The following BCLAF3 variants were observed in gnomAD, a reference collection of about 807,000 sequenced individuals.
The protein encoded by BCLAF3 is transient octamer binding factor 1.
In BCLAF3, 24 loss-of-function variants were observed where a neutral mutation model predicts 51.2. The ratio of observed to expected loss-of-function variants is 0.47; its 90% CI spans 0.34 to 0.66. BCLAF3 has a LOEUF of 0.66. Ranked by LOEUF, BCLAF3 falls within the 30% of genes least tolerant of loss-of-function variation. The pLI, the probability that BCLAF3 is intolerant of heterozygous loss-of-function variation, is 0.01. For synonymous variants in BCLAF3, 152 were observed against 176.6 expected, an observed-to-expected ratio of 0.86 and a Z score of 1.10; for missense variants, 465 against 525.1, an observed-to-expected ratio of 0.89 and a Z score of 1.12.
chrX:19,970,424 G>A (rs113566974), intron 1 of BCLAF3, 126 bp from the exon 2 acceptor site: 11,821 of 499,846 alleles, frequency 0.024, 256 homozygotes, highest in African/African-American at 0.1. Context: ...ACATGGAAAT[G>A]ATAATAATAG....
At chrX:19,921,426 T>C (rs2070153158) in intron 11 of BCLAF3, among the ~76,000 whole-genome samples, 1 of 112,507 alleles carries the variant, frequency 8.9e-6, no homozygotes, top group Admixed American at 9.4e-5. Context: ...AGTTAGATCC[T>C]GACTTTACAC....
intron 11 of BCLAF3, among the ~76,000 whole-genome samples, chrX:19,926,563 A>G (rs1569499945): frequency 9.0e-6 from 1 of 111,666 alleles, no homozygotes; most frequent in Non-Finnish European, 1.9e-5. Flanking sequence ...TGAAGCAGAC[A>G]GTCAGGTAAG....
chrX:19,984,689 C>CTT (rs1314071005), intron 1 of BCLAF3, among the ~76,000 whole-genome samples: 1 of 104,748 alleles, frequency 9.5e-6, no homozygotes, highest in African/African-American at 3.4e-5. Flanking sequence ...TAAAATTATA[C>CTT]TTTTTTTTTT....
Position 19,965,674 on chromosome X carries a change from C to T in BCLAF3, c.644G>A (p.Gly215Glu). ...GTCTTTAGGTCTTTTTGATGTGTGT[C>T]CATATTTTCTGAAATCACGATCCTC... is the stretch of plus-strand genomic sequence containing the variant. ...YPEDRDFRKYGHTSKRPKDVE... is the reference protein window; with the variant it reads ...YPEDRDFRKYEHTSKRPKDVE... Residue 215 changes from glycine to glutamate, a missense_variant, in exon 4 of 12, where the codon GGA (glycine) becomes GAA (glutamate). Transcript: ENST00000379682. 1 of 1,134,569 alleles carries T rather than the reference C, an allele frequency of 8.8e-7. No individual in the cohort carries two copies. Among genetic ancestry groups the T allele is most frequent in the Non-Finnish European group, 1.2e-6 (1 of 860,730 alleles). 93.5% of individuals were successfully genotyped at this position (1,134,569 alleles called of 1,213,427 possible). A position where few individuals can be genotyped will look rare whatever the true frequency, so the allele number is the denominator to read the frequency against.
At chrX:19,953,127 G>T in intron 6 of BCLAF3, 76 bp from the exon 7 acceptor site, 1 of 832,282 alleles carries the variant, frequency 1.2e-6, no homozygotes, top group Non-Finnish European at 1.7e-6. Flanking sequence ...TTACAGAACA[G>T]AATTTGAAAT....
chrX:19,968,352 G>C (rs149257036), intron 2 of BCLAF3, among the ~76,000 whole-genome samples: 1,307 of 112,660 alleles, frequency 0.012, 29 homozygotes, highest in African/African-American at 0.04. Flanking sequence ...GATAGAGATA[G>C]GGTCTCACTC....
At position 19,935,861 on chromosome X, in the gene BCLAF3, T is replaced by C. The variant is rs763019314; in HGVS notation, c.1898A>G (p.Lys633Arg). The change falls in exon 10 of 12, where the codon AAA becomes AGA. Residue 633 changes from lysine to arginine, a missense_variant. Physicochemically the swap from Lys to Arg is conservative, Grantham distance 26. Coordinates refer to ENST00000379682, the MANE Select transcript of BCLAF3 (RefSeq NM_001367774.2). ...GTGGTTTCCCTCAACCTCAAATGGTTTGTGAGTAATTATGTCTTTTCTCTG... is the reference window on the plus strand; with the variant it reads ...GTGGTTTCCCTCAACCTCAAATGGTCTGTGAGTAATTATGTCTTTTCTCTG... Reference protein sequence around the residue: ...TTQRKDIITHKPFEVEGNHRN... With the variant: ...TTQRKDIITHRPFEVEGNHRN... 1.7e-6 allele frequency: 2 copies of C among 1,209,038 alleles called. No individual in the cohort carries two copies. The highest frequency in any genetic ancestry group is 3.5e-5 in the African/African-American group (2 of 57,201).
At chrX:19,973,578 C>T (rs2072320878) in intron 1 of BCLAF3, among the ~76,000 whole-genome samples, 1 of 111,380 alleles carries the variant, frequency 9.0e-6, no homozygotes, top group Non-Finnish European at 1.9e-5. Context: ...CCATGCTCGT[C>T]CAGCACATGG....
intron 1 of BCLAF3, chrX:19,985,033 C>T (rs2072752329): frequency 8.9e-6 from 1 of 111,844 alleles, no homozygotes; most frequent in African/African-American, 3.2e-5. Flanking sequence ...ATATCAGATT[C>T]TTTTTTATTT....
chrX:19,915,360 C>A lies in BCLAF3; in HGVS notation c.*1945G>T, dbSNP rs1222556176. The A allele has an allele frequency of 8.9e-6, 1 of 111,822 alleles. No homozygotes were observed. Among genetic ancestry groups the A allele is most frequent in the African/African-American group, 3.2e-5 (1 of 30,789 alleles). 9.2% of individuals were successfully genotyped at this position (111,822 alleles called of 1,213,427 possible). ...CTATGGTGGACAAGACAGACACGGT[C>A]CCTGTCCTTATTTTATACTCTAAAT... On this transcript the variant is annotated 3_prime_UTR_variant, in exon 12 of 12. Coordinates refer to ENST00000379682, the MANE Select transcript of BCLAF3 (RefSeq NM_001367774.2).
chrX:19,983,986 C>A (rs752348587), intron 1 of BCLAF3, among the ~76,000 whole-genome samples: 1 of 104,579 alleles, frequency 9.6e-6, no homozygotes, highest in African/African-American at 3.5e-5. Context: ...GCAGGAGAAT[C>A]GCTTGAACCC....
chrX:19,926,692 A>G (rs192065129), intron 11 of BCLAF3, among the ~76,000 whole-genome samples: 3 of 110,967 alleles, frequency 2.7e-5, no homozygotes, highest in Non-Finnish European at 5.7e-5. Context: ...CAGAAACCCA[A>G]CCTTGCGAAT....
chrX:19,960,414 C>T (rs189091893), intron 4 of BCLAF3, among the ~76,000 whole-genome samples: 1 of 111,112 alleles, frequency 9.0e-6, no homozygotes, highest in East Asian at 2.8e-4. Context: ...AAGACAAAAA[C>T]ATATGCACTC....
At position 19,966,233 on chromosome X, in the gene BCLAF3, T is replaced by G. The variant is rs2072051706; in HGVS notation, c.458A>C (p.Lys153Thr). The G allele has an allele frequency of 8.3e-7, 1 of 1,209,448 alleles. No homozygotes were observed. The highest frequency in any genetic ancestry group is 1.8e-5 in the African/African-American group (1 of 56,958). ...ATCTGCTATTGACCTCTGAGGTGGTTTCCCTCCTTTTCCACTTCCTCTAAC... is the reference window on the plus strand; with the variant it reads ...ATCTGCTATTGACCTCTGAGGTGGTGTCCCTCCTTTTCCACTTCCTCTAAC... ...HRVRGSGKGG[K>T]PPQRSIADSF... The change falls in exon 3 of 12, where the codon AAA becomes ACA. Residue 153 changes from lysine (K) to threonine (T), a missense_variant. Lys to Thr is a moderately conservative substitution (Grantham distance 78). Coordinates refer to ENST00000379682, the MANE Select transcript of BCLAF3 (RefSeq NM_001367774.2).
chrX:19,978,456 G>A (rs1220046510), intron 1 of BCLAF3, among the ~76,000 whole-genome samples: 2 of 111,993 alleles, frequency 1.8e-5, no homozygotes, highest in Non-Finnish European at 3.8e-5. Context: ...CACCAAGAGA[G>A]CTAGAAGAGG....
chrX:19,956,163 T>G (rs962805142), intron 4 of BCLAF3, among the ~76,000 whole-genome samples: 25 of 112,236 alleles, frequency 2.2e-4, no homozygotes, highest in Non-Finnish European at 3.9e-4. Flanking sequence ...CCAGTTACAG[T>G]GTTCACCCTC....
intron 11 of BCLAF3, chrX:19,929,255 C>T (rs1685383028): frequency 9.0e-6 from 1 of 111,591 alleles, no homozygotes. Flanking sequence ...TTGCATAGCA[C>T]TGTGAATGAA....
At chrX:19,970,671 T>C (rs1205389400) in intron 1 of BCLAF3, among the ~76,000 whole-genome samples, 4 of 112,022 alleles carry the variant, frequency 3.6e-5, no homozygotes, top group Non-Finnish European at 5.6e-5. Context: ...ATATAAAAAA[T>C]GTAAAATATT....
intron 4 of BCLAF3, among the ~76,000 whole-genome samples, chrX:19,963,834 C>T (rs1369400439): frequency 9.1e-6 from 1 of 109,701 alleles, no homozygotes; most frequent in Non-Finnish European, 1.9e-5. Context: ...GGCAACAGAG[C>T]AAGATTCTGT....
Sources: gnomAD v4.1 joint callset for allele counts (sites outside exome capture counted in the v4.1 genomes callset) on GRCh38, gnomAD v4.1.1 for gene constraint, MANE v1.5 for transcripts, NCBI Gene and HGNC (gene_info 2026-07-23, HGNC 2026-07-21) for gene names.